LAYN: variants seen among roughly 807,000 people sequenced by gnomAD.
The protein encoded by LAYN is layilin.
In LAYN, 38 loss-of-function variants were observed where a neutral mutation model predicts 43.6. The observed-to-expected ratio is 0.87, with a 90% CI of 0.67 to 1.14. The LOEUF is 1.14. Among genes scored for constraint, LAYN ranks in the 50% most tolerant of loss-of-function variants. The pLI is 0.00. For synonymous variants in LAYN, 168 were observed against 172.9 expected (o/e 0.97, Z 0.22); for missense variants, 479 against 463.8 (o/e 1.03, Z -0.30).
intron 3 of LAYN, among the ~76,000 whole-genome samples, chr11:111,554,288 T>C (rs1045011418): frequency 6.6e-6 from 1 of 152,230 alleles, no homozygotes; most frequent in African/African-American, 2.4e-5. Context: ...TTTTTCTACT[T>C]TTTTGTATAT....
intron 1 of LAYN, chr11:111,541,532 T>C: frequency 6.5e-7 from 1 of 1,535,212 alleles, no homozygotes; most frequent in Non-Finnish European, 8.7e-7. Context: ...AATGACTCTC[T>C]GCTTCCTTCC....
chr11:111,541,341 G>T, intron 1 of LAYN: 1 of 609,930 alleles, frequency 1.6e-6, no homozygotes, highest in Non-Finnish European at 2.9e-6. Flanking sequence ...CCCGCTCCGG[G>T]AGGCGGCCGC....
At chr11:111,548,971 G>A (rs1294531001) in intron 2 of LAYN, among the ~76,000 whole-genome samples, 7 of 152,238 alleles carry the variant, frequency 4.6e-5, no homozygotes. Context: ...CCCTCTAGGG[G>A]GCTAGGGAGA....
At chr11:111,553,056 C>T (rs1283065773) in intron 3 of LAYN, among the ~76,000 whole-genome samples, 2 of 152,060 alleles carry the variant, frequency 1.3e-5, no homozygotes, top group African/African-American at 4.8e-5. Flanking sequence ...TCCTGGCTAA[C>T]ACTGTGAAAC....
At chr11:111,552,621 A>T (rs1867763646) in intron 3 of LAYN, among the ~76,000 whole-genome samples, 1 of 152,244 alleles carries the variant, frequency 6.6e-6, no homozygotes, top group South Asian at 2.1e-4. Context: ...GGCAACACAG[A>T]TGCACGTGCA....
chr11:111,544,275 G>T, intron 2 of LAYN, 55 bp downstream of exon 2: 1 of 1,539,472 alleles, frequency 6.5e-7, no homozygotes, highest in Non-Finnish European at 8.8e-7. Context: ...CAAAAAAGAG[G>T]CAGGCTGGAT....
At chr11:111,558,198 CTATTT>C (rs561660354) in intron 6 of LAYN, among the ~76,000 whole-genome samples, 8 of 152,150 alleles carry the variant, frequency 5.3e-5, no homozygotes, top group Non-Finnish European at 7.4e-5. Flanking sequence ...TCGTGTGCCA[CTATTT>C]TATTTTATTT....
intron 2 of LAYN, among the ~76,000 whole-genome samples, chr11:111,546,999 C>T (rs139990336): frequency 1.3e-5 from 2 of 152,322 alleles, no homozygotes; most frequent in East Asian, 1.9e-4. Flanking sequence ...GGCAAATCTG[C>T]TTGCACACAG....
At chr11:111,544,446 C>T (rs1238255202) in intron 2 of LAYN, among the ~76,000 whole-genome samples, 2 of 152,182 alleles carry the variant, frequency 1.3e-5, no homozygotes, top group Admixed American at 6.5e-5. Flanking sequence ...TGAGTGCAGC[C>T]CAGCAGCCTT....
intron 4 of LAYN, among the ~76,000 whole-genome samples, chr11:111,554,876 C>CA (rs1222753003): frequency 1.3e-5 from 2 of 151,698 alleles, no homozygotes; most frequent in African/African-American, 2.4e-5. Flanking sequence ...CTAATGAGAC[C>CA]AAAAAAAATG....
intron 2 of LAYN, among the ~76,000 whole-genome samples, chr11:111,547,076 C>G (rs964165140): frequency 1.1e-4 from 16 of 152,202 alleles, no homozygotes; most frequent in African/African-American, 3.9e-4. Flanking sequence ...TCCATGTCAC[C>G]TGGTTTATGG....
intron 6 of LAYN, 108 bp from the exon 7 acceptor site, chr11:111,559,987 C>T: frequency 3.9e-6 from 5 of 1,296,386 alleles, no homozygotes; most frequent in Non-Finnish European, 5.3e-6. Context: ...ACGAGACATG[C>T]AGCTGGGTGA....
At chr11:111,554,308 A>G (rs969996436) in intron 3 of LAYN, among the ~76,000 whole-genome samples, 1 of 152,214 alleles carries the variant, frequency 6.6e-6, no homozygotes, top group African/African-American at 2.4e-5. Context: ...TTTGGAAATT[A>G]TCATATTTAA....
intron 1 of LAYN, chr11:111,541,346 G>A: frequency 1.6e-6 from 1 of 610,454 alleles, no homozygotes; most frequent in Non-Finnish European, 2.9e-6. Flanking sequence ...TCCGGGAGGC[G>A]GCCGCAGAGA....
At chr11:111,541,849 C>T (rs1360792560) in intron 1 of LAYN, among the ~76,000 whole-genome samples, 1 of 152,100 alleles carries the variant, frequency 6.6e-6, no homozygotes, top group Non-Finnish European at 1.5e-5. Flanking sequence ...TGGGCTCTGT[C>T]CTTGGTCGCG....
Position 111,547,314 on chromosome 11 carries a change from G to C in LAYN, c.384-2304G>C, listed in dbSNP as rs556369454. 1.6e-3 allele frequency among the ~76,000 whole-genome samples: 244 copies of C among 152,296 alleles called. 2 individuals are homozygous for C. The highest frequency in any genetic ancestry group is 5.7e-3 in the African/African-American group (235 of 41,560). ...ATCTCCAACCCTCTGGAGTACATAAGTCTTACCAAGGCATCCAGTGTACTA... is the reference window on the plus strand; with the variant it reads ...ATCTCCAACCCTCTGGAGTACATAACTCTTACCAAGGCATCCAGTGTACTA... On this transcript the variant is annotated intron_variant, in intron 2 of 6. Coordinates refer to ENST00000375614, the MANE Select transcript of LAYN (RefSeq NM_178834.5).
At chr11:111,541,642 A>G in intron 1 of LAYN, 1 of 1,485,566 alleles carries the variant, frequency 6.7e-7, no homozygotes, top group Non-Finnish European at 9.1e-7. Context: ...GGGGGAGAAC[A>G]TCCGTGCCCT....
At chr11:111,555,163 T>C in intron 4 of LAYN, 44 bp from the exon 5 acceptor site, 1 of 1,430,704 alleles carries the variant, frequency 7.0e-7, no homozygotes, top group Non-Finnish European at 9.8e-7. Context: ...AATACCTGAA[T>C]TATGCCTTTC....
At position 111,544,178 on chromosome 11, in the gene LAYN, A is replaced by G; in HGVS notation, c.341A>G (p.Gln114Arg). 6.2e-7 allele frequency: 1 copy of G among 1,614,204 alleles called. No individual in the cohort carries two copies. The change falls in exon 2 of 7, where the codon CAG becomes CGG. Residue 114 changes from glutamine to arginine, a missense_variant. Coordinates refer to ENST00000375614, the MANE Select transcript of LAYN (RefSeq NM_178834.5). ...EEKQSNSTAC[Q>R]DLYAWTDGSI... ...AAACAAAGCAATAGCACAGCCTGCC[A>G]GGACCTTTATGCTTGGACTGATGGC...
Sources: gnomAD v4.1 joint callset for allele counts (sites outside exome capture counted in the v4.1 genomes callset) on GRCh38, gnomAD v4.1.1 for gene constraint, MANE v1.5 for transcripts, NCBI Gene and HGNC (gene_info 2026-07-23, HGNC 2026-07-21) for gene names.